TAGLN: variants seen among roughly 807,000 people sequenced by gnomAD.
The protein encoded by TAGLN is transgelin.
TAGLN carries 16 observed loss-of-function variants against 21.9 expected under a neutral mutation model. That is an observed-to-expected ratio of 0.73 (90% CI 0.49 to 1.11). The LOEUF (loss-of-function observed/expected upper bound fraction) is 1.11, where lower values mean the gene tolerates loss of function less well. Among genes scored for constraint, TAGLN ranks in the 50% least tolerant of loss-of-function variants. The pLI is 0.00. For synonymous variants in TAGLN, 96 were observed against 94.9 expected (o/e 1.01, Z -0.06); for missense variants, 248 against 263.2 (o/e 0.94, Z 0.40).
In TAGLN at chr11:117,205,684, G is replaced by A. The variant is rs979762879; in HGVS notation, c.*1325G>A. 4 of 298,472 alleles carry A rather than the reference G, an allele frequency of 1.3e-5. No individual in the cohort carries two copies. Among genetic ancestry groups the A allele is most frequent in the Non-Finnish European group, 2.5e-5 (4 of 162,182 alleles). 18.5% of individuals were successfully genotyped at this position (298,472 alleles called of 1,614,324 possible). A position where few individuals can be genotyped will look rare whatever the true frequency, so the allele number is the denominator to read the frequency against. On this transcript the variant is annotated 3_prime_UTR_variant, in exon 5 of 5. Coordinates refer to ENST00000392951, the MANE Select transcript of TAGLN (RefSeq NM_003186.5). ...TTATATGTGGGAAGGGGTCCCCCATGCTTGGGGGACCTAGGCAGCTGGCTT... is the reference window on the plus strand; with the variant it reads ...TTATATGTGGGAAGGGGTCCCCCATACTTGGGGGACCTAGGCAGCTGGCTT...
rs1195400312 is a variant in TAGLN at position 117,205,257 on chromosome 11, G to A, written c.*898G>A. On this transcript the variant is annotated 3_prime_UTR_variant, in exon 5 of 5. Coordinates refer to ENST00000392951, the MANE Select transcript of TAGLN (RefSeq NM_003186.5). Reference sequence around the variant, plus strand: ...CAGGCAGATAGCTGGCCTCCGGCGGGAAGGCCATTTCCCTGAGCACTTGCA... The same window carrying A: ...CAGGCAGATAGCTGGCCTCCGGCGGAAAGGCCATTTCCCTGAGCACTTGCA... 1.3e-5 allele frequency: 3 copies of A among 233,694 alleles called. No individual in the cohort carries two copies. Among genetic ancestry groups the A allele is most frequent in the African/African-American group, 6.6e-5 (3 of 45,376 alleles). 14.5% of individuals were successfully genotyped at this position (233,694 alleles called of 1,614,324 possible). A position where few individuals can be genotyped will look rare whatever the true frequency, so the allele number is the denominator to read the frequency against.
At position 117,204,200 on chromosome 11, in the gene TAGLN, TTCC is replaced by T. The variant is rs548853159; in HGVS notation, c.462-9_462-7del. 170 of 1,614,078 alleles carry T rather than the reference TTCC, an allele frequency of 1.1e-4. 1 individual carries two copies. In the South Asian group the frequency reaches 1.8e-3, roughly 17 times the overall value. Reference sequence around the variant, plus strand: ...CAGTTCTACCAAGTCTTTATCCTGGTTCCTCCTCTTCTAGGAAAGCGCAGGAGC... The same window carrying T: ...CAGTTCTACCAAGTCTTTATCCTGGTTCCTCTTCTAGGAAAGCGCAGGAGC... On this transcript the variant is annotated splice_polypyrimidine_tract_variant and intron_variant, in intron 4 of 4. Coordinates refer to ENST00000392951, the MANE Select transcript of TAGLN (RefSeq NM_003186.5).
At position 117,204,286 on chromosome 11, in the gene TAGLN, A is replaced by G. The variant is rs1346562013; in HGVS notation, c.533A>G (p.Gln178Arg). The change falls in exon 5 of 5, where the codon CAG (glutamine) becomes CGG (arginine). Residue 178 changes from glutamine (Q) to arginine (R), a missense_variant. Coordinates refer to ENST00000392951, the MANE Select transcript of TAGLN (RefSeq NM_003186.5). ...LQEGKHVIGLQMGSNRGASQA... is the reference protein window; with the variant it reads ...LQEGKHVIGLRMGSNRGASQA... ...GAGGGAAAGCATGTCATTGGCCTTC[A>G]GATGGGCAGCAACAGAGGGGCCTCC... The G allele has an allele frequency of 3.7e-6, 6 of 1,614,136 alleles. No homozygotes were observed. In the Admixed American group the frequency reaches 1.0e-4, roughly 27 times the overall value.
rs1434040534 is a variant in TAGLN at position 117,203,998 on chromosome 11, G to A, written c.461+114G>A. 4.5e-6 allele frequency: 5 copies of A among 1,113,672 alleles called. No individual in the cohort carries two copies. The Admixed American group carries it at 6.3e-5, about 14-fold the overall frequency. 69.0% of individuals were successfully genotyped at this position (1,113,672 alleles called of 1,614,324 possible). A position where few individuals can be genotyped will look rare whatever the true frequency, so the allele number is the denominator to read the frequency against. ...ATAGCCAAGAAAGGATAAAGTGAGGGTCTGGGATGGGGAATAATGGGTCCT... is the reference window on the plus strand; with the variant it reads ...ATAGCCAAGAAAGGATAAAGTGAGGATCTGGGATGGGGAATAATGGGTCCT... On this transcript the variant is annotated intron_variant, in intron 4 of 4. Coordinates refer to ENST00000392951, the MANE Select transcript of TAGLN (RefSeq NM_003186.5). This position sits in a 1 kb window ranked among gnomAD's most constrained non-coding sequence, Gnocchi z 4.4.
In TAGLN at chr11:117,203,739, A is replaced by T; in HGVS notation, c.359-43A>T. 1 of 1,586,520 alleles carries T rather than the reference A, an allele frequency of 6.3e-7. No individual in the cohort carries two copies. Among genetic ancestry groups the T allele is most frequent in the Non-Finnish European group, 8.6e-7 (1 of 1,156,342 alleles). On this transcript the variant is annotated intron_variant, in intron 3 of 4. Transcript: ENST00000392951. The surrounding 1 kb of genome is among the most constrained non-coding windows in gnomAD (Gnocchi z 4.4). ...CAGGCCCTGGCTTGGAGTCTTGTTTATACGTTCTTGATGTTCATCTCCTCT... is the reference window on the plus strand; with the variant it reads ...CAGGCCCTGGCTTGGAGTCTTGTTTTTACGTTCTTGATGTTCATCTCCTCT...
At chr11:117,200,292 AGCAGCCCTGCAGGG>A (rs1261731143) in intron 1 of TAGLN, 2 of 152,266 alleles carry the variant, frequency 1.3e-5, no homozygotes, top group African/African-American at 4.8e-5. Context: ...GAAGGGGCAC[AGCAGCCCTGCAGGG>A]GCCCCTGGCT....
At chr11:117,204,036 A>T in intron 4 of TAGLN, 152 bp downstream of exon 4, 1 of 1,070,242 alleles carries the variant, frequency 9.3e-7, no homozygotes, top group Non-Finnish European at 1.4e-6. Context: ...ATACTCCTTG[A>T]CCCCTCCCTT....
At position 117,204,265 on chromosome 11, in the gene TAGLN, G is replaced by A. The variant is rs2134273358; in HGVS notation, c.512G>A (p.Gly171Glu). Residue 171 changes from glycine to glutamate, a missense_variant, in exon 5 of 5, where the codon GGA (glycine) becomes GAA (glutamate). Coordinates refer to ENST00000392951, the MANE Select transcript of TAGLN (RefSeq NM_003186.5). ...TTCACAGAGAGCCAGCTGCAGGAGG[G>A]AAAGCATGTCATTGGCCTTCAGATG... ...REFTESQLQE[G>E]KHVIGLQMGS... is the part of the protein sequence containing the mutation. 1 of 1,614,252 alleles carries A rather than the reference G, an allele frequency of 6.2e-7. No individual in the cohort carries two copies. Among genetic ancestry groups the A allele is most frequent in the East Asian group, 2.2e-5 (1 of 44,890 alleles).
intron 1 of TAGLN, among the ~76,000 whole-genome samples, chr11:117,200,823 C>T (rs2031062572): frequency 6.6e-6 from 1 of 152,154 alleles, no homozygotes; most frequent in South Asian, 2.1e-4. Context: ...GTAGGGGACA[C>T]ACTCTCCTTC....
At chr11:117,202,872 G>C (rs2031155089) in intron 1 of TAGLN, 130 bp from the exon 2 acceptor site, 2 of 746,606 alleles carry the variant, frequency 2.7e-6, no homozygotes, top group Non-Finnish European at 4.1e-6. Context: ...GGCCTGGATG[G>C]GCAGTGCTGT....
rs751234583 is a variant in TAGLN, at chr11:117,206,090, T to C, written c.*1731T>C. On this transcript the variant is annotated 3_prime_UTR_variant, in exon 5 of 5. Transcript: ENST00000392951. ...TGTTCTGGGACAGGCTCCAGTCCCC[T>C]TGCTCCAGCAGGTCTGGGGCAAGGA... 21 of 1,563,996 alleles carry C rather than the reference T, an allele frequency of 1.3e-5. No homozygotes were observed. In the South Asian group the frequency reaches 2.1e-4, roughly 16 times the overall value.
chr11:117,203,127 T>C lies in TAGLN; in HGVS notation c.114T>C (p.Cys38=). 1 of 1,609,798 alleles carries C rather than the reference T, an allele frequency of 6.2e-7. No individual in the cohort carries two copies. The highest frequency in any genetic ancestry group is 8.5e-7 in the Non-Finnish European group (1 of 1,177,546). The change falls in exon 2 of 5, where the codon TGT becomes TGC. Residue 38 remains cysteine, a synonymous_variant. Coordinates refer to ENST00000392951, the MANE Select transcript of TAGLN (RefSeq NM_003186.5). The surrounding 1 kb of genome is among the most constrained non-coding windows in gnomAD (Gnocchi z 4.4). ...ERLVEWIIVQ[C]GPDVGRPDRG... ...TGGTGGAGTGGATCATAGTGCAGTGTGGCCCTGATGTGGGCCGCCCAGACC... is the reference window on the plus strand; with the variant it reads ...TGGTGGAGTGGATCATAGTGCAGTGCGGCCCTGATGTGGGCCGCCCAGACC...
At position 117,205,952 on chromosome 11, in the gene TAGLN, A is replaced by G. The variant is rs1217292589; in HGVS notation, c.*1593A>G. The G allele has an allele frequency of 1.5e-6, 1 of 678,668 alleles. No individual in the cohort carries two copies. The highest frequency in any genetic ancestry group is 3.0e-5 in the Admixed American group (1 of 33,774). 42.0% of individuals were successfully genotyped at this position (678,668 alleles called of 1,614,324 possible). On this transcript the variant is annotated 3_prime_UTR_variant, in exon 5 of 5. Coordinates refer to ENST00000392951, the MANE Select transcript of TAGLN (RefSeq NM_003186.5). The stretch of plus-strand genomic sequence containing the variant: ...AACTGCTTTCTGTCAAGAGCTCCCT[A>G]ATTTTGGGAAAGAAGAGCCTGTCCC...
chr11:117,202,401 G>A (rs2031137140), intron 1 of TAGLN: 1 of 152,288 alleles, frequency 6.6e-6, no homozygotes, highest in Admixed American at 6.5e-5. Context: ...GGGCTTCCAG[G>A]CCAGGGCCTG....
rs1025239944 is a variant in TAGLN, at chr11:117,203,708, C to A, written c.359-74C>A. ...GGTTTGGCCATTTTTTTGTGAGAGA[C>A]GGGGGCAGGCCCTGGCTTGGAGTCT... On this transcript the variant is annotated intron_variant, in intron 3 of 4. Transcript: ENST00000392951. This position sits in a 1 kb window ranked among gnomAD's most constrained non-coding sequence, Gnocchi z 4.4. 1 of 1,487,048 alleles carries A rather than the reference C, an allele frequency of 6.7e-7. No individual in the cohort carries two copies. Among genetic ancestry groups the A allele is most frequent in the Non-Finnish European group, 9.3e-7 (1 of 1,076,396 alleles). 92.1% of individuals were successfully genotyped at this position (1,487,048 alleles called of 1,614,324 possible). A position where few individuals can be genotyped will look rare whatever the true frequency, so the allele number is the denominator to read the frequency against.
At position 117,203,098 on chromosome 11, in the gene TAGLN, CGGCTGGTGGAGT is replaced by C. The variant is rs1565294717; in HGVS notation, c.88_99del (p.Leu30_Trp33del). ...GAAGTATGACGAGGAGCTGGAGGAGCGGCTGGTGGAGTGGATCATAGTGCAGTGTGGCCCTGA... is the reference window on the plus strand; with the variant it reads ...GAAGTATGACGAGGAGCTGGAGGAGCGGATCATAGTGCAGTGTGGCCCTGA... On this transcript the variant is annotated inframe_deletion, in exon 2 of 5. Coordinates refer to ENST00000392951, the MANE Select transcript of TAGLN (RefSeq NM_003186.5). The surrounding 1 kb of genome is among the most constrained non-coding windows in gnomAD (Gnocchi z 4.4). 1 of 1,612,466 alleles carries C rather than the reference CGGCTGGTGGAGT, an allele frequency of 6.2e-7. No homozygotes were observed. The highest frequency in any genetic ancestry group is 1.3e-5 in the African/African-American group (1 of 75,002).
At position 117,203,674 on chromosome 11, in the gene TAGLN, C is replaced by T. The variant is rs554607674; in HGVS notation, c.359-108C>T. The T allele has an allele frequency of 3.0e-6, 4 of 1,325,314 alleles. No homozygotes were observed. In the South Asian group the frequency reaches 5.2e-5, roughly 17 times the overall value. The allele number at this position is 1,325,314 out of a possible 1,614,324, so 82.1% of individuals were successfully genotyped here. On this transcript the variant is annotated intron_variant, in intron 3 of 4. Coordinates refer to ENST00000392951, the MANE Select transcript of TAGLN (RefSeq NM_003186.5). This position sits in a 1 kb window ranked among gnomAD's most constrained non-coding sequence, Gnocchi z 4.4. ...GGCCTCCCTTGAATTGGGGACAACT[C>T]TTGGCCCTGGTTTGGCCATTTTTTT... is the stretch of plus-strand genomic sequence containing the variant.
At position 117,203,701 on chromosome 11, in the gene TAGLN, TGAGAGA is replaced by T; in HGVS notation, c.359-80_359-75del. 1 of 1,472,678 alleles carries T rather than the reference TGAGAGA, an allele frequency of 6.8e-7. No individual in the cohort carries two copies. Among genetic ancestry groups the T allele is most frequent in the South Asian group, 1.2e-5 (1 of 84,350 alleles). The allele number at this position is 1,472,678 out of a possible 1,614,324, so 91.2% of individuals were successfully genotyped here. Reference sequence around the variant, plus strand: ...TGGCCCTGGTTTGGCCATTTTTTTGTGAGAGACGGGGGCAGGCCCTGGCTTGGAGTC... The same window carrying T: ...TGGCCCTGGTTTGGCCATTTTTTTGTCGGGGGCAGGCCCTGGCTTGGAGTC... On this transcript the variant is annotated intron_variant, in intron 3 of 4. Coordinates refer to ENST00000392951, the MANE Select transcript of TAGLN (RefSeq NM_003186.5). This position sits in a 1 kb window ranked among gnomAD's most constrained non-coding sequence, Gnocchi z 4.4.
Position 117,205,528 on chromosome 11 carries a change from G to A in TAGLN, c.*1169G>A, listed in dbSNP as rs1004979144. 1 of 235,282 alleles carries A rather than the reference G, an allele frequency of 4.3e-6. No homozygotes were observed. Among genetic ancestry groups the A allele is most frequent in the Non-Finnish European group, 8.4e-6 (1 of 119,280 alleles). The allele number at this position is 235,282 out of a possible 1,614,324, so 14.6% of individuals were successfully genotyped here. ...TCAGGCATCTTGGGAATGGATAATG[G>A]AGGCAGCCGCTTTCAGGACAGGCAT... On this transcript the variant is annotated 3_prime_UTR_variant, in exon 5 of 5. Coordinates refer to ENST00000392951, the MANE Select transcript of TAGLN (RefSeq NM_003186.5).
Sources: allele counts gnomAD v4.1 joint callset (sites outside exome capture counted in the v4.1 genomes callset), GRCh38; gene constraint gnomAD v4.1.1; non-coding constraint Gnocchi (gnomAD v3.1); transcripts MANE v1.5; gene names NCBI Gene and HGNC (gene_info 2026-07-23, HGNC 2026-07-21).